Variants in NBPF12 observed in about 807,000 individuals in gnomAD.
The protein encoded by NBPF12 is NBPF family member NBPF12.
Under a neutral mutation model 146.4 loss-of-function variants are expected in NBPF12, and 115 were observed. The observed-to-expected ratio is 0.79, with a 90% CI of 0.68 to 0.92. The LOEUF (loss-of-function observed/expected upper bound fraction) is 0.92. Among genes scored for constraint, NBPF12 ranks in the 40% least tolerant of loss-of-function variants. The pLI is 0.00. For missense variants in NBPF12, 1,205 were observed against 1,326.8 expected (o/e 0.91, Z 1.43); for synonymous variants, 385 against 508.9 (o/e 0.76, Z 3.28).
exon 34 of NBPF12, chr1:146,994,683 G>T (rs1658432798): frequency 2.6e-6 from 4 of 1,536,692 alleles, no homozygotes; most frequent in Non-Finnish European, 3.5e-6. Flanking sequence ...CATAGGATGG[G>T]TCAGTGGGCA....
intron 8 of NBPF12, among the ~76,000 whole-genome samples, chr1:146,965,504 T>C (rs1330183401): frequency 4.0e-5 from 6 of 150,716 alleles, no homozygotes; most frequent in Middle Eastern, 3.4e-3. Flanking sequence ...AAGTCTTGGC[T>C]GGGCACAGTG....
chr1:146,945,477 C>T (rs1553883273), upstream of NBPF12, among the ~76,000 whole-genome samples: 37,226 of 151,406 alleles, frequency 0.25, 4,982 homozygotes, highest in South Asian at 0.47. Flanking sequence ...TCCGGGGGCA[C>T]CCCAGGGTTA....
intron 6 of NBPF12, 91 bp downstream of exon 9, chr1:146,963,400 G>A: frequency 6.2e-7 from 1 of 1,603,156 alleles, no homozygotes; most frequent in Non-Finnish European, 8.5e-7. Flanking sequence ...TTGTATCAGT[G>A]GGGTTTTTTT....
At chr1:146,964,578 C>A in intron 7 of NBPF12, 149 bp downstream of exon 10, 5 of 1,303,206 alleles carry the variant, frequency 3.8e-6, no homozygotes, top group Non-Finnish European at 5.5e-6. Flanking sequence ...ACACAGGGTG[C>A]GACAGCTGTC....
upstream of NBPF12, among the ~76,000 whole-genome samples, chr1:146,947,081 A>C (rs1447682729): frequency 6.6e-6 from 1 of 151,764 alleles, no homozygotes; most frequent in Non-Finnish European, 1.5e-5. Flanking sequence ...GGGTTACTGT[A>C]GCTTAATGTA....
At chr1:146,969,888 G>T (rs1656472868) in intron 11 of NBPF12, among the ~76,000 whole-genome samples, 2 of 150,860 alleles carry the variant, frequency 1.3e-5, no homozygotes, top group African/African-American at 2.5e-5. Context: ...GAGGGCGCTT[G>T]TTGGAGTGAA....
chr1:146,994,554 G>T (rs781838245), exon 34 of NBPF12: 5 of 1,609,474 alleles, frequency 3.1e-6, no homozygotes, highest in South Asian at 1.1e-5. Flanking sequence ...TCTTCCAGAT[G>T]GGAGTCATAT....
chr1:146,938,956 C>CT lies in NBPF12; in HGVS notation c.-847dup, dbSNP rs1355228325. ...AGCCTGGATGGGAAGTTCAAGTTTA[C>CT]TGCGAAGTCCACCCAGCGTTCCGGA... On this transcript the variant is annotated 5_prime_UTR_variant, in exon 1 of 36. An upstream open reading frame in the 5' UTR loses its in-frame stop. Transcript: ENST00000617931. The CT allele has an allele frequency of 5.3e-5, 8 of 152,184 alleles. No homozygotes were observed. Among genetic ancestry groups the CT allele is most frequent in the Non-Finnish European group, 1.0e-4 (7 of 68,094 alleles). 9.4% of individuals were successfully genotyped at this position (152,184 alleles called of 1,614,324 possible).
At chr1:146,966,598 C>G in exon 9 of NBPF12, 1 of 1,491,870 alleles carries the variant, frequency 6.7e-7, no homozygotes, top group Non-Finnish European at 9.3e-7. Context: ...GAAGAAACAG[C>G]AGTTCAGAAG....
At chr1:146,965,626 CA>C (rs1271486549) in intron 8 of NBPF12, among the ~76,000 whole-genome samples, 33,752 of 117,872 alleles carry the variant, frequency 0.29, 4,611 homozygotes, top group Admixed American at 0.44. Context: ...ACTAAAAATA[CA>C]AAAAAAAAAA....
At chr1:146,984,261 G>T (rs1402374351) in intron 21 of NBPF12, 76 bp downstream of exon 24, 32 of 827,554 alleles carry the variant, frequency 3.9e-5, no homozygotes, top group Non-Finnish European at 5.9e-5. Context: ...AACAGTACAC[G>T]CTGAAAATAA....
intron 1 of NBPF12, among the ~76,000 whole-genome samples, chr1:146,939,648 C>T (rs1215057443): frequency 6.6e-6 from 1 of 151,936 alleles, no homozygotes; most frequent in Non-Finnish European, 1.5e-5. Context: ...TCTCATTTGG[C>T]GTCCTTTCAC....
In NBPF12 at chr1:146,983,024, C is replaced by G. The variant is rs1288944802; in HGVS notation, c.2547C>G (p.Tyr849Ter). The change falls in exon 20 of 34, where the codon TAC (tyrosine) becomes TAG (stop). Residue 849 changes from tyrosine to a stop codon, truncating the protein, a stop_gained. Coordinates refer to ENST00000617844, the Ensembl canonical transcript of NBPF12. LOFTEE classifies it high-confidence loss of function. ...TTCCTCCTGAAAGGTTGGCCTCATA[C>G]CAGTCTTACAGCAGCACATTTCACT... is the stretch of plus-strand genomic sequence containing the variant. The G allele has an allele frequency of 4.0e-5, 64 of 1,608,670 alleles. No individual in the cohort carries two copies. Among genetic ancestry groups the G allele is most frequent in the Admixed American group, 1.5e-4 (9 of 59,822 alleles).
chr1:146,963,079 T>C lies in NBPF12; in HGVS notation c.279-16T>C, dbSNP rs1348724191. 1 of 1,610,164 alleles carries C rather than the reference T, an allele frequency of 6.2e-7. No individual in the cohort carries two copies. The highest frequency in any genetic ancestry group is 8.5e-7 in the Non-Finnish European group (1 of 1,178,432). On this transcript the variant is annotated splice_polypyrimidine_tract_variant and intron_variant, in intron 5 of 33. Coordinates refer to ENST00000617844, the Ensembl canonical transcript of NBPF12. ...ACGCTTTTCACTGTTAAATTTTCTC[T>C]ACCGTCTCACCTTAGGCAATATAAA...
chr1:146,940,010 A>G (rs1654724172), intron 1 of NBPF12, among the ~76,000 whole-genome samples: 1 of 150,896 alleles, frequency 6.6e-6, no homozygotes, highest in African/African-American at 2.4e-5. Flanking sequence ...CTTTTCTTGC[A>G]GTGGTATCTT....
intron 16 of NBPF12, among the ~76,000 whole-genome samples, chr1:146,976,660 G>A (rs1216907556): frequency 6.6e-6 from 1 of 151,556 alleles, no homozygotes; most frequent in Non-Finnish European, 1.5e-5. Context: ...AAAGTCCAGA[G>A]AGAGGCTGCA....
rs1358161046 is a variant in NBPF12 at position 146,994,815 on chromosome 1, C to T, written c.*240C>T. ...GCAGCACATGCCGGGAGTGATCAGCCGGACATTTTAATTTGAACCATGTAT... is the reference window on the plus strand; with the variant it reads ...GCAGCACATGCCGGGAGTGATCAGCTGGACATTTTAATTTGAACCATGTAT... On this transcript the variant is annotated 3_prime_UTR_variant, in exon 34 of 34. Transcript: ENST00000617844. 2.6e-5 allele frequency: 20 copies of T among 775,810 alleles called. 1 individual carries two copies. The highest frequency in any genetic ancestry group is 1.5e-4 in the East Asian group (5 of 33,254). 48.1% of individuals were successfully genotyped at this position (775,810 alleles called of 1,614,324 possible).
intron 1 of NBPF12, among the ~76,000 whole-genome samples, chr1:146,939,692 G>A (rs1412528563): frequency 1.3e-5 from 2 of 151,872 alleles, no homozygotes; most frequent in Admixed American, 6.5e-5. Context: ...TGGTTTCCTC[G>A]CTTTCTTCCT....
At chr1:146,975,537 A>C in intron 15 of NBPF12, 140 bp from the exon 19 acceptor site, 1 of 596,640 alleles carries the variant, frequency 1.7e-6, no homozygotes, top group Non-Finnish European at 3.0e-6. Flanking sequence ...TCTCTTGGCC[A>C]CAGACATTCC....
Sources: allele counts gnomAD v4.1 joint callset (sites outside exome capture counted in the v4.1 genomes callset), GRCh38; gene constraint gnomAD v4.1.1; transcripts MANE v1.5; gene names NCBI Gene and HGNC (gene_info 2026-07-23, HGNC 2026-07-21).